Variants in FAM83B observed in about 807,000 individuals in gnomAD.
The protein encoded by FAM83B is scaffolding CK1 anchoring protein B, also known as protein FAM83B.
In FAM83B, 26 loss-of-function variants were observed where a neutral mutation model predicts 38.8. The ratio of observed to expected loss-of-function variants is 0.67; its 90% CI spans 0.49 to 0.93. The LOEUF is 0.93. FAM83B is among the 40% of genes least tolerant of loss of function. The pLI, the probability that FAM83B is intolerant of heterozygous loss-of-function variation, is 0.00. For synonymous variants in FAM83B, 419 were observed against 423.1 expected (o/e 0.99, Z 0.12); for missense variants, 1,237 against 1,197.3 (o/e 1.03, Z -0.49).
At chr6:54,850,046 G>C (rs75506412) in intron 1 of FAM83B, among the ~76,000 whole-genome samples, 1 of 152,098 alleles carries the variant, frequency 6.6e-6, no homozygotes, top group East Asian at 1.9e-4. Context: ...CCTCTCCAGG[G>C]GTAGGAAAGT....
At chr6:54,914,675 T>G (rs940537901) in intron 2 of FAM83B, among the ~76,000 whole-genome samples, 1 of 152,190 alleles carries the variant, frequency 6.6e-6, no homozygotes, top group African/African-American at 2.4e-5. Context: ...GAATCTCAAT[T>G]GGGCTCTCAC....
rs763079086 is a variant in FAM83B, at chr6:54,941,941, A to G, written c.2970A>G (p.Gln990=). 30 of 1,612,970 alleles carry G rather than the reference A, an allele frequency of 1.9e-5. No individual in the cohort carries two copies. The highest frequency in any genetic ancestry group is 1.6e-4 in the Middle Eastern group (1 of 6,074). ...NYNTGVYRSY[Q]PNENKFRGFM... Reference sequence around the variant, plus strand: ...ACACTGGTGTTTATCGCTCATATCAACCCAATGAGAACAAGTTTCGAGGAT... The same window carrying G: ...ACACTGGTGTTTATCGCTCATATCAGCCCAATGAGAACAAGTTTCGAGGAT... The change falls in exon 5 of 5, where the codon CAA becomes CAG. Residue 990 remains glutamine (Q), a synonymous_variant. Transcript: ENST00000306858.
intron 4 of FAM83B, among the ~76,000 whole-genome samples, chr6:54,939,058 C>T (rs921191671): frequency 1.3e-5 from 2 of 152,238 alleles, no homozygotes; most frequent in South Asian, 4.1e-4. Flanking sequence ...AGTGAGGATC[C>T]AGTTTCATTC....
intron 1 of FAM83B, among the ~76,000 whole-genome samples, chr6:54,848,120 C>T (rs1221759985): frequency 1.3e-5 from 1 of 78,820 alleles, no homozygotes; most frequent in Non-Finnish European, 2.5e-5. Context: ...GTGGGGGTGG[C>T]GGTGGGAGGC....
chr6:54,896,084 G>T (rs1772525452), intron 2 of FAM83B, among the ~76,000 whole-genome samples: 1 of 152,100 alleles, frequency 6.6e-6, no homozygotes, highest in Non-Finnish European at 1.5e-5. Flanking sequence ...TAGAGACAGG[G>T]TTTCACCATG....
At chr6:54,899,029 T>G (rs1174077712) in intron 2 of FAM83B, among the ~76,000 whole-genome samples, 1 of 152,176 alleles carries the variant, frequency 6.6e-6, no homozygotes, top group Non-Finnish European at 1.5e-5. Flanking sequence ...AAATCTTTGT[T>G]TATGCCTGTT....
chr6:54,860,012 T>C (rs1046765400), intron 1 of FAM83B, among the ~76,000 whole-genome samples: 2 of 151,594 alleles, frequency 1.3e-5, no homozygotes, highest in South Asian at 2.1e-4. Flanking sequence ...AAACCACCTG[T>C]AGAACCACTA....
chr6:54,886,662 G>GT (rs1561914564), intron 2 of FAM83B, among the ~76,000 whole-genome samples: 1 of 151,512 alleles, frequency 6.6e-6, no homozygotes, highest in Admixed American at 6.6e-5. Flanking sequence ...GTTCTTTTTC[G>GT]TGACTAGTTT....
At chr6:54,912,604 TTATC>T (rs1029837609) in intron 2 of FAM83B, among the ~76,000 whole-genome samples, 14 of 152,046 alleles carry the variant, frequency 9.2e-5, no homozygotes, top group African/African-American at 3.1e-4. Flanking sequence ...TGTTTATAGA[TTATC>T]TATTTTCATT....
chr6:54,860,219 T>C (rs1399511220), intron 1 of FAM83B, among the ~76,000 whole-genome samples: 1 of 152,174 alleles, frequency 6.6e-6, no homozygotes, highest in East Asian at 1.9e-4. Flanking sequence ...TCTTGTTTTG[T>C]TTTTGCATTT....
intron 2 of FAM83B, among the ~76,000 whole-genome samples, chr6:54,895,540 G>A (rs1273788038): frequency 6.6e-6 from 1 of 152,056 alleles, no homozygotes; most frequent in Admixed American, 6.6e-5. Flanking sequence ...TTCAAACTCA[G>A]TTATTGCACC....
At chr6:54,927,727 GTA>G in intron 4 of FAM83B, 95 bp downstream of exon 4, 4 of 33,556 alleles carry the variant, frequency 1.2e-4, no homozygotes, top group South Asian at 1.0e-3. Flanking sequence ...TTTCTTAAAA[GTA>G]AAAAAAAAAA....
intron 1 of FAM83B, among the ~76,000 whole-genome samples, chr6:54,866,901 T>C (rs1771720181): frequency 6.6e-6 from 1 of 152,112 alleles, no homozygotes; most frequent in Non-Finnish European, 1.5e-5. Context: ...TTTTATATCC[T>C]TTGTATTTAT....
intron 2 of FAM83B, among the ~76,000 whole-genome samples, chr6:54,913,443 T>C (rs965725427): frequency 1.3e-5 from 2 of 152,046 alleles, no homozygotes; most frequent in Non-Finnish European, 2.9e-5. Flanking sequence ...TTTGATTTTA[T>C]AGATGAGGAA....
At chr6:54,884,078 C>T (rs994507442) in intron 2 of FAM83B, among the ~76,000 whole-genome samples, 1 of 151,892 alleles carries the variant, frequency 6.6e-6, no homozygotes, top group Non-Finnish European at 1.5e-5. Context: ...CCAAGGTGGG[C>T]GGATCACGAG....
chr6:54,889,485 G>T (rs1484403984), intron 2 of FAM83B, among the ~76,000 whole-genome samples: 1 of 151,982 alleles, frequency 6.6e-6, no homozygotes, highest in African/African-American at 2.4e-5. Context: ...ACCCCTTCCT[G>T]TACCAATGCG....
chr6:54,932,099 C>T (rs1773434472), intron 4 of FAM83B, among the ~76,000 whole-genome samples: 1 of 151,318 alleles, frequency 6.6e-6, no homozygotes, highest in Non-Finnish European at 1.5e-5. Flanking sequence ...CAACCTCCGC[C>T]TCCCAGGTTC....
At chr6:54,908,963 C>A (rs1378257262) in intron 2 of FAM83B, among the ~76,000 whole-genome samples, 2 of 152,116 alleles carry the variant, frequency 1.3e-5, no homozygotes, top group African/African-American at 2.4e-5. Context: ...ACTGTGTGAT[C>A]TTAAATAAAT....
At chr6:54,908,409 G>C (rs1772825456) in intron 2 of FAM83B, among the ~76,000 whole-genome samples, 1 of 151,990 alleles carries the variant, frequency 6.6e-6, no homozygotes, top group Admixed American at 6.6e-5. Flanking sequence ...AAAGAAAAGA[G>C]CTCCTTCAAA....
Sources: allele counts gnomAD v4.1 joint callset (sites outside exome capture counted in the v4.1 genomes callset), GRCh38; gene constraint gnomAD v4.1.1; transcripts MANE v1.5; gene names NCBI Gene and HGNC (gene_info 2026-07-23, HGNC 2026-07-21).